The following ARHGEF4 variants were observed in gnomAD, a reference collection of about 807,000 sequenced individuals.
ARHGEF4 encodes the protein Rho guanine nucleotide exchange factor 4, also known as APC-stimulated guanine nucleotide exchange factor 1.
A neutral mutation model predicts 162.0 loss-of-function variants in ARHGEF4; 119 were observed. That is an observed-to-expected ratio of 0.73 (90% CI 0.63 to 0.86). The LOEUF (loss-of-function observed/expected upper bound fraction) is 0.86, where lower values mean the gene tolerates loss of function less well. Among genes scored for constraint, ARHGEF4 ranks in the 40% least tolerant of loss-of-function variants. The pLI, the probability that ARHGEF4 is intolerant of heterozygous loss-of-function variation, is 0.00. For synonymous variants in ARHGEF4, 1,014 were observed against 979.9 expected (o/e 1.03, Z -0.65); for missense variants, 2,488 against 2,456.0 (o/e 1.01, Z -0.28).
chr2:130,941,414 G>A (rs1015909300), intron 3 of ARHGEF4, among the ~76,000 whole-genome samples: 4 of 151,922 alleles, frequency 2.6e-5, no homozygotes, highest in Non-Finnish European at 5.9e-5. Context: ...ATGTTCGCCA[G>A]GCTGGTCTCA....
chr2:130,844,523 C>T (rs1340160683), intron 1 of ARHGEF4, among the ~76,000 whole-genome samples: 1 of 152,216 alleles, frequency 6.6e-6, no homozygotes, highest in Non-Finnish European at 1.5e-5. Flanking sequence ...CTCTCTTCCA[C>T]AGCTTTTTTG....
Position 130,915,599 on chromosome 2 carries a change from T to C in ARHGEF4, c.1653T>C (p.Asp551=). ...GCTTGGAAGTGAGTGACAGTTCAGA[T>C]GCCCCTGAGACCACCCAGAAATCAA... The part of the protein sequence containing the change: ...MGCLEVSDSS[D]APETTQKSSA... Residue 551 remains aspartate, a synonymous_variant, in exon 2 of 14, where the codon GAT becomes GAC. Coordinates refer to ENST00000409359, the MANE Select transcript of ARHGEF4 (RefSeq NM_001367493.1). 1 of 1,550,530 alleles carries C rather than the reference T, an allele frequency of 6.4e-7. No homozygotes were observed. Among genetic ancestry groups the C allele is most frequent in the Non-Finnish European group, 8.7e-7 (1 of 1,146,994 alleles).
In ARHGEF4 at chr2:130,946,481, G is replaced by A. The variant is rs141182907; in HGVS notation, c.3859-28G>A. 6,905 of 1,587,740 alleles carry A rather than the reference G, an allele frequency of 4.3e-3. 25 individuals carry two copies. The highest frequency in any genetic ancestry group is 5.0e-3 in the Non-Finnish European group (5,786 of 1,165,650). On this transcript the variant is annotated intron_variant, in intron 3 of 13. Transcript: ENST00000409359. ...AGCCTGTCATTTCTTTTCTTCATTT[G>A]CCCTCTGTCTCTTTCCTCCTCTTCC...
chr2:130,961,836 C>A (rs535204260), intron 4 of ARHGEF4, among the ~76,000 whole-genome samples: 1 of 152,238 alleles, frequency 6.6e-6, no homozygotes, highest in Admixed American at 6.5e-5. Context: ...CCCACCAGGG[C>A]TAAGCTTGCA....
intron 4 of ARHGEF4, among the ~76,000 whole-genome samples, chr2:130,992,294 C>T (rs13403372): frequency 9.9e-4 from 151 of 152,208 alleles, no homozygotes; most frequent in African/African-American, 3.4e-3. Flanking sequence ...GCTTGGGTCC[C>T]CTTCCACACT....
chr2:130,904,909 T>C lies in ARHGEF4; in HGVS notation c.40-9077T>C, dbSNP rs542712707. ...GCCTGGCCAACATGGCGAAACCCTG[T>C]CTCTACTAAAAATACAAACATTAGC... On this transcript the variant is annotated intron_variant, in intron 1 of 13. Transcript: ENST00000409359. 8.5e-4 allele frequency among the ~76,000 whole-genome samples: 130 copies of C among 152,168 alleles called. 1 individual carries two copies. Among genetic ancestry groups the C allele is most frequent in the African/African-American group, 2.8e-3 (118 of 41,506 alleles).
intron 1 of ARHGEF4, among the ~76,000 whole-genome samples, chr2:130,892,561 G>A (rs560344856): frequency 1.3e-5 from 2 of 152,294 alleles, no homozygotes; most frequent in East Asian, 1.9e-4. Context: ...TGCGCCTGAA[G>A]TGTAAAACAA....
chr2:130,938,710 C>A (rs1683108055), intron 3 of ARHGEF4, among the ~76,000 whole-genome samples: 1 of 152,062 alleles, frequency 6.6e-6, no homozygotes, highest in Admixed American at 6.6e-5. Context: ...ATCTTCTTAC[C>A]AGGGTCTTCA....
At chr2:130,961,136 T>C (rs1048851694) in intron 4 of ARHGEF4, among the ~76,000 whole-genome samples, 2 of 152,140 alleles carry the variant, frequency 1.3e-5, no homozygotes, top group Non-Finnish European at 2.9e-5. Context: ...CAGCTGACCA[T>C]TGGGTCCAGC....
chr2:130,904,101 C>T (rs1460731431), intron 1 of ARHGEF4, among the ~76,000 whole-genome samples: 1 of 152,220 alleles, frequency 6.6e-6, no homozygotes, highest in Admixed American at 6.5e-5. Flanking sequence ...CCAAACTGCT[C>T]TCCACAGGGG....
At chr2:131,034,553 T>C (rs1050467140) in intron 5 of ARHGEF4, among the ~76,000 whole-genome samples, 2 of 152,222 alleles carry the variant, frequency 1.3e-5, no homozygotes, top group African/African-American at 4.8e-5. Flanking sequence ...CGCGATTTTA[T>C]GACTGAGCAG....
At chr2:131,031,798 C>T (rs774532739) in intron 5 of ARHGEF4, among the ~76,000 whole-genome samples, 1 of 152,198 alleles carries the variant, frequency 6.6e-6, no homozygotes, top group African/African-American at 2.4e-5. Context: ...AGTTCCTCGC[C>T]CTCCCCCTTG....
At chr2:130,939,785 C>A (rs1683179491) in intron 3 of ARHGEF4, among the ~76,000 whole-genome samples, 1 of 152,110 alleles carries the variant, frequency 6.6e-6, no homozygotes, top group East Asian at 1.9e-4. Context: ...TTGTAATTTT[C>A]TGCATACAGA....
At chr2:131,021,693 C>A (rs527585402) in intron 4 of ARHGEF4, among the ~76,000 whole-genome samples, 3 of 152,188 alleles carry the variant, frequency 2.0e-5, no homozygotes, top group Middle Eastern at 3.2e-3. Flanking sequence ...CCAGGACTTA[C>A]AGTACTATGT....
chr2:130,875,239 G>A (rs75183616), intron 1 of ARHGEF4, among the ~76,000 whole-genome samples: 7,185 of 152,050 alleles, frequency 0.047, 235 homozygotes, highest in Non-Finnish European at 0.064. Flanking sequence ...CTAGATTAGC[G>A]CATTGCTTGG....
intron 4 of ARHGEF4, among the ~76,000 whole-genome samples, chr2:131,019,810 A>G (rs1182802105): frequency 2.0e-5 from 3 of 151,628 alleles, no homozygotes; most frequent in African/African-American, 7.3e-5. Flanking sequence ...ATTTTTTTGT[A>G]TTTTTAGTAA....
In ARHGEF4 at chr2:130,914,447, C is replaced by T. The variant is rs990735208; in HGVS notation, c.501C>T (p.Ser167=). The T allele has an allele frequency of 7.0e-7, 1 of 1,434,872 alleles. No homozygotes were observed. The highest frequency in any genetic ancestry group is 1.4e-5 in the African/African-American group (1 of 69,652). 88.9% of individuals were successfully genotyped at this position (1,434,872 alleles called of 1,614,324 possible). Residue 167 remains serine (S), a synonymous_variant, in exon 2 of 14, where the codon AGC becomes AGT. Transcript: ENST00000409359. ...GACACCTCTGGGACTGCGCGACCAGCCTGGAGCGAGAGTCTTTGCTGGCAG... is the reference window on the plus strand; with the variant it reads ...GACACCTCTGGGACTGCGCGACCAGTCTGGAGCGAGAGTCTTTGCTGGCAG... The part of the protein sequence containing the change: ...EAGHLWDCAT[S]LERESLLAGV...
At chr2:130,946,828 C>G (rs1683651529) in intron 4 of ARHGEF4, 193 bp downstream of exon 4, 5 of 662,916 alleles carry the variant, frequency 7.5e-6, no homozygotes, top group Non-Finnish European at 1.2e-5. Flanking sequence ...ATTGGCTGGG[C>G]ACAGTGGCTC....
intron 1 of ARHGEF4, among the ~76,000 whole-genome samples, chr2:130,889,811 CAAAAAAAAAAA>C (rs35297177): frequency 3.0e-5 from 2 of 67,672 alleles, no homozygotes; most frequent in African/African-American, 1.1e-4. Context: ...GACTCCGTCT[CAAAAAAAAAAA>C]AAAAAAAAAA....
Sources: allele counts gnomAD v4.1 joint callset (sites outside exome capture counted in the v4.1 genomes callset), GRCh38; gene constraint gnomAD v4.1.1; transcripts MANE v1.5; gene names NCBI Gene and HGNC (gene_info 2026-07-23, HGNC 2026-07-21).